The following ARMC8 variants were observed in gnomAD, a reference collection of about 807,000 sequenced individuals.
ARMC8 encodes armadillo repeat-containing protein 8.
A neutral mutation model predicts 99.3 loss-of-function variants in ARMC8; 20 were observed. The observed-to-expected ratio is 0.20, with a 90% CI of 0.14 to 0.29. The LOEUF (loss-of-function observed/expected upper bound fraction) is 0.29, where lower values mean the gene tolerates loss of function less well. ARMC8 is among the 10% of genes least tolerant of loss of function. The pLI is 1.00. For synonymous variants in ARMC8, 263 were observed against 278.3 expected (o/e 0.95, Z 0.55); for missense variants, 569 against 809.5 (o/e 0.70, Z 3.60).
At chr3:138,289,166 T>C (rs1281987400) in intron 20 of ARMC8, 46 bp downstream of exon 20, 1 of 1,475,922 alleles carries the variant, frequency 6.8e-7, no homozygotes, top group East Asian at 2.3e-5. Context: ...ATGGGAAGAG[T>C]GTCTTGCACA....
chr3:138,219,321 A>G (rs529489707), intron 2 of ARMC8, among the ~76,000 whole-genome samples: 128 of 152,368 alleles, frequency 8.4e-4, no homozygotes, highest in African/African-American at 2.2e-3. Context: ...ATCTACTGAC[A>G]GTAACTGCTT....
chr3:138,234,311 C>T (rs951199031), intron 6 of ARMC8, among the ~76,000 whole-genome samples: 1 of 152,114 alleles, frequency 6.6e-6, no homozygotes, highest in African/African-American at 2.4e-5. Context: ...GGGATTTCAC[C>T]ATGTTGACCA....
chr3:138,201,739 G>T (rs559991901), intron 1 of ARMC8, among the ~76,000 whole-genome samples: 5 of 152,080 alleles, frequency 3.3e-5, no homozygotes, highest in Admixed American at 1.3e-4. Context: ...GATTACAGGC[G>T]TGGGCCACTG....
chr3:138,190,281 CTTTTTTTTTTTTT>C (rs141579108), intron 1 of ARMC8, among the ~76,000 whole-genome samples: 1 of 114,370 alleles, frequency 8.7e-6, no homozygotes, highest in Non-Finnish European at 1.8e-5. Context: ...ATTTTCTTAT[CTTTTTTTTTTTTT>C]TTTTTTTTTG....
At chr3:138,218,553 A>G (rs1033213149) in intron 2 of ARMC8, among the ~76,000 whole-genome samples, 1 of 152,152 alleles carries the variant, frequency 6.6e-6, no homozygotes, top group African/African-American at 2.4e-5. Flanking sequence ...AGTCCTGACT[A>G]TTGTCTAAGG....
chr3:138,267,694 A>T lies in ARMC8; in HGVS notation c.1386+453A>T, dbSNP rs1452082063. Among the ~76,000 whole-genome samples, 21 of 152,256 alleles carry T rather than the reference A, an allele frequency of 1.4e-4. 1 individual carries two copies. The South Asian group carries it at 3.7e-3, about 27-fold the overall frequency. ...TGGTAGTTGTTTGGGGAGGGGTTGG[A>T]TGGGGGTTCCCTTCTGCATTTTATA... On this transcript the variant is annotated intron_variant, in intron 15 of 21. Coordinates refer to ENST00000469044, the MANE Select transcript of ARMC8 (RefSeq NM_001363941.2).
intron 11 of ARMC8, 62 bp downstream of exon 11, chr3:138,242,045 C>T (rs2108176970): frequency 6.9e-7 from 1 of 1,445,014 alleles, no homozygotes; most frequent in South Asian, 1.2e-5. Flanking sequence ...TCTTACTGTT[C>T]ACAGTTTTGA....
rs528320213 is a variant in ARMC8 at position 138,222,891 on chromosome 3, T to G, written c.195-498T>G. On this transcript the variant is annotated intron_variant, in intron 3 of 21. Transcript: ENST00000469044. ...TGGAAATGAGAGGATCTCTTCCTTT[T>G]CCAAATGAGAGAGCTGGAGAAAGAA... Among the ~76,000 whole-genome samples the G allele has an allele frequency of 3.3e-5, 5 of 152,296 alleles. No individual in the cohort carries two copies. The East Asian group carries it at 9.7e-4, about 29-fold the overall frequency.
At chr3:138,233,872 C>T (rs2046191469) in intron 6 of ARMC8, among the ~76,000 whole-genome samples, 1 of 152,130 alleles carries the variant, frequency 6.6e-6, no homozygotes. Context: ...CATGAAATAT[C>T]ATCCCTGTGT....
chr3:138,224,306 G>A (rs2045568542), intron 5 of ARMC8, among the ~76,000 whole-genome samples: 3 of 152,146 alleles, frequency 2.0e-5, no homozygotes, highest in Admixed American at 2.0e-4. Flanking sequence ...TTAGCCTGGT[G>A]CAATGGCTCA....
chr3:138,280,596 C>T (rs1387696159), intron 18 of ARMC8, among the ~76,000 whole-genome samples: 2 of 151,836 alleles, frequency 1.3e-5, no homozygotes, highest in African/African-American at 2.4e-5. Flanking sequence ...CGGGTTCACG[C>T]CATTCTCCTG....
At chr3:138,278,469 A>T (rs1263866654) in intron 18 of ARMC8, among the ~76,000 whole-genome samples, 1 of 151,774 alleles carries the variant, frequency 6.6e-6, no homozygotes, top group Non-Finnish European at 1.5e-5. Flanking sequence ...ACACCACTGC[A>T]CTCCAGCCTG....
At chr3:138,263,212 T>G (rs535305961) in intron 12 of ARMC8, among the ~76,000 whole-genome samples, 1 of 152,396 alleles carries the variant, frequency 6.6e-6, no homozygotes, top group South Asian at 2.1e-4. Flanking sequence ...GCTTCATGAT[T>G]ATAGTGATTA....
chr3:138,236,266 A>G (rs1321727737), intron 7 of ARMC8, among the ~76,000 whole-genome samples: 1 of 152,172 alleles, frequency 6.6e-6, no homozygotes, highest in Non-Finnish European at 1.5e-5. Flanking sequence ...ATAAATATAT[A>G]CTGAAAGGTA....
intron 1 of ARMC8, among the ~76,000 whole-genome samples, chr3:138,196,871 A>G (rs901148644): frequency 6.6e-6 from 1 of 152,212 alleles, no homozygotes; most frequent in Non-Finnish European, 1.5e-5. Flanking sequence ...CCGTCTCAAA[A>G]AAAATTTTTT....
chr3:138,209,733 C>G (rs1458933058), intron 1 of ARMC8, 84 bp from the exon 2 acceptor site: 2 of 1,134,880 alleles, frequency 1.8e-6, no homozygotes, highest in Non-Finnish European at 2.7e-6. Context: ...GTTAAATTAT[C>G]TAGTCACTTG....
chr3:138,266,725 C>G (rs565043573), intron 14 of ARMC8, among the ~76,000 whole-genome samples: 4 of 152,130 alleles, frequency 2.6e-5, no homozygotes, highest in Non-Finnish European at 5.9e-5. Flanking sequence ...CTGCTTGATT[C>G]GTCAGTGCTC....
chr3:138,229,898 A>T (rs1361257942), intron 6 of ARMC8, among the ~76,000 whole-genome samples: 1 of 152,202 alleles, frequency 6.6e-6, no homozygotes, highest in Non-Finnish European at 1.5e-5. Context: ...GAGCTTTGGG[A>T]ACTATAGGAA....
At chr3:138,229,092 A>G (rs2045845040) in intron 6 of ARMC8, 82 bp downstream of exon 6, 1 of 728,666 alleles carries the variant, frequency 1.4e-6, no homozygotes, top group South Asian at 1.5e-5. Context: ...GTACCCTCCC[A>G]GGGGTAGTCA....
Sources: allele counts gnomAD v4.1 joint callset (sites outside exome capture counted in the v4.1 genomes callset), GRCh38; gene constraint gnomAD v4.1.1; transcripts MANE v1.5; gene names NCBI Gene and HGNC (gene_info 2026-07-23, HGNC 2026-07-21).